Variants in SNAPC4 observed in about 807,000 individuals in gnomAD.
SNAPC4 encodes snRNA-activating protein complex subunit 4.
In SNAPC4, 127 loss-of-function variants were observed where a neutral mutation model predicts 151.3. That is an observed-to-expected ratio of 0.84 (90% CI 0.73 to 0.97). The LOEUF (loss-of-function observed/expected upper bound fraction) is 0.97. Among genes scored for constraint, SNAPC4 ranks in the 50% least tolerant of loss-of-function variants. The pLI, the probability that SNAPC4 is intolerant of heterozygous loss-of-function variation, is 0.00. For synonymous variants in SNAPC4, 1,002 were observed against 824.4 expected (o/e 1.22, Z -3.69); for missense variants, 2,186 against 1,935.0 (o/e 1.13, Z -2.43).
At chr9:136,396,726 A>G (rs2131518979) in intron 3 of SNAPC4, among the ~76,000 whole-genome samples, 1 of 152,346 alleles carries the variant, frequency 6.6e-6, no homozygotes, top group Admixed American at 6.5e-5. Context: ...CAGATGCCAC[A>G]CAGGAGACAG....
Position 136,378,768 on chromosome 9 carries a change from T to TGTC in SNAPC4, c.3058_3059insGAC (p.Glu1020delinsGlyGln). On this transcript the variant is annotated protein_altering_variant, in exon 22 of 24. Coordinates refer to ENST00000684778, the MANE Select transcript of SNAPC4 (RefSeq NM_003086.4). ...GGCCTGAGACTGTCCGAGACCACTCTCGGGGCAGCTCACAGAGATCTGGCC... is the reference window on the plus strand; with the variant it reads ...GGCCTGAGACTGTCCGAGACCACTCTGTCCGGGGCAGCTCACAGAGATCTGGCC... 6.5e-7 allele frequency: 1 copy of TGTC among 1,539,040 alleles called. No homozygotes were observed. The highest frequency in any genetic ancestry group is 8.8e-7 in the Non-Finnish European group (1 of 1,142,026).
Position 136,378,390 on chromosome 9 carries a change from G to A in SNAPC4, c.3437C>T (p.Pro1146Leu), listed in dbSNP as rs146466873. ...PPANMNREPE[P>L]SCRTDTPAPP... The stretch of plus-strand genomic sequence containing the variant: ...AGCTGGGGTGTCTGTCCTGCAGGAA[G>A]GCTCCGGTTCCCTGTTCATATTGGC... Residue 1146 changes from proline to leucine, a missense_variant, in exon 22 of 24, where the codon CCT (proline) becomes CTT (leucine). Transcript: ENST00000684778. 5 of 1,610,224 alleles carry A rather than the reference G, an allele frequency of 3.1e-6. No homozygotes were observed. In the African/African-American group the frequency reaches 5.3e-5, roughly 17 times the overall value.
intron 10 of SNAPC4, among the ~76,000 whole-genome samples, chr9:136,389,595 C>T (rs369350576): frequency 1.6e-4 from 24 of 152,296 alleles, no homozygotes; most frequent in African/African-American, 5.8e-4. Context: ...GAGCCTCGCC[C>T]GCACGCCCCC....
At chr9:136,387,694 C>T (rs372970510) in intron 12 of SNAPC4, 48 bp downstream of exon 12, 26 of 1,403,510 alleles carry the variant, frequency 1.9e-5, no homozygotes, top group African/African-American at 9.9e-5. Context: ...TGAACACAGC[C>T]GCGTTACCTT....
chr9:136,380,002 G>T, intron 20 of SNAPC4, 138 bp from the exon 21 acceptor site: 2 of 1,399,840 alleles, frequency 1.4e-6, no homozygotes, highest in Non-Finnish European at 2.0e-6. Flanking sequence ...CCTCCCACAC[G>T]CCTCTGTAGG....
chr9:136,398,605 G>A (rs1834353855), intron 1 of SNAPC4, 168 bp from the exon 2 acceptor site: 5 of 711,094 alleles, frequency 7.0e-6, no homozygotes, highest in Non-Finnish European at 1.2e-5. Flanking sequence ...GGAACCCTGG[G>A]ACAGGAACCT....
intron 13 of SNAPC4, 142 bp from the exon 14 acceptor site, chr9:136,384,956 C>G: frequency 1.9e-6 from 1 of 526,962 alleles, no homozygotes; most frequent in South Asian, 2.7e-5. Flanking sequence ...TAGACTTCAT[C>G]AAAAGCTAAA....
rs1159901563 is a variant in SNAPC4, at chr9:136,391,243, G to A, written c.975+699C>T. On this transcript the variant is annotated intron_variant, in intron 10 of 23. Coordinates refer to ENST00000684778, the MANE Select transcript of SNAPC4 (RefSeq NM_003086.4). ...AAACAGTTTTGGCAAGTTTAGCTGG[G>A]TCTGCTATAATCAGGTGCTCTGCCA... Among the ~76,000 whole-genome samples, 3 of 152,236 alleles carry A rather than the reference G, an allele frequency of 2.0e-5. No homozygotes were observed. In the East Asian group the frequency reaches 5.8e-4, roughly 29 times the overall value.
Position 136,378,632 on chromosome 9 carries a change from C to T in SNAPC4, c.3195G>A (p.Gly1065=), listed in dbSNP as rs1554777913. 1.9e-6 allele frequency: 3 copies of T among 1,553,914 alleles called. No homozygotes were observed. The highest frequency in any genetic ancestry group is 1.9e-5 in the Admixed American group (1 of 51,306). ...GGGGGACACTGGTCGCCACATGTGGCCCTCCTATGTGCGTCAGGCTGAGGG... is the reference window on the plus strand; with the variant it reads ...GGGGGACACTGGTCGCCACATGTGGTCCTCCTATGTGCGTCAGGCTGAGGG... The part of the protein sequence containing the change: ...VQPLSLTHIG[G]PHVATSVPLP... Residue 1065 remains glycine (G), a synonymous_variant, in exon 22 of 24, where the codon GGG becomes GGA. Transcript: ENST00000684778.
In SNAPC4 at chr9:136,378,522, G is replaced by T; in HGVS notation, c.3305C>A (p.Thr1102Asn). 6.3e-7 allele frequency: 1 copy of T among 1,591,826 alleles called. No homozygotes were observed. Among genetic ancestry groups the T allele is most frequent in the Non-Finnish European group, 8.5e-7 (1 of 1,174,862 alleles). ...GGCCAGCAGCCCTGCGGGGCCAGGG[G>T]TCCCTGCTGGCCTGGGAAGGCTCAC... Reference protein sequence around the residue: ...AVVSLPRPAGTPGPAGLLATL... With the variant: ...AVVSLPRPAGNPGPAGLLATL... Residue 1102 changes from threonine (T) to asparagine (N), a missense_variant, in exon 22 of 24, where the codon ACC becomes AAC. Thr to Asn is a moderately conservative substitution (Grantham distance 65, BLOSUM62 0). Coordinates refer to ENST00000684778, the MANE Select transcript of SNAPC4 (RefSeq NM_003086.4).
Position 136,378,226 on chromosome 9 carries a change from G to A in SNAPC4, c.3601C>T (p.Pro1201Ser). Residue 1201 changes from proline to serine, a missense_variant, in exon 22 of 24, where the codon CCT becomes TCT. Physicochemically the swap from Pro to Ser is moderately conservative, Grantham distance 74. Coordinates refer to ENST00000684778, the MANE Select transcript of SNAPC4 (RefSeq NM_003086.4). ...SHADPPEAEP[P>S]WSGRLPAFGG... ...AAGGCTGGCAGCCTCCCGGACCAAG[G>A]GGGTTCTGCTTCAGGAGGGTCAGCG... 6 of 1,611,624 alleles carry A rather than the reference G, an allele frequency of 3.7e-6. No homozygotes were observed. The highest frequency in any genetic ancestry group is 5.1e-6 in the Non-Finnish European group (6 of 1,179,524).
At position 136,383,862 on chromosome 9, in the gene SNAPC4, C is replaced by A; in HGVS notation, c.1500+91G>T. Reference sequence around the variant, plus strand: ...AAATGCCAAGACCAGAAACCGAACGCCCCCCTCCCCTCCCCTCCTCCTGCC... The same window carrying A: ...AAATGCCAAGACCAGAAACCGAACGACCCCCTCCCCTCCCCTCCTCCTGCC... On this transcript the variant is annotated intron_variant, in intron 15 of 23. Coordinates refer to ENST00000684778, the MANE Select transcript of SNAPC4 (RefSeq NM_003086.4). The surrounding 1 kb of genome is among the most constrained non-coding windows in gnomAD (Gnocchi z 4.2). 1 of 1,268,836 alleles carries A rather than the reference C, an allele frequency of 7.9e-7. No individual in the cohort carries two copies. Among genetic ancestry groups the A allele is most frequent in the Non-Finnish European group, 1.1e-6 (1 of 879,914 alleles). The allele number at this position is 1,268,836 out of a possible 1,614,324, so 78.6% of individuals were successfully genotyped here. A position where few individuals can be genotyped will look rare whatever the true frequency, so the allele number is the denominator to read the frequency against.
At position 136,394,911 on chromosome 9, in the gene SNAPC4, G is replaced by T. The variant is rs750791795; in HGVS notation, c.472-33C>A. 4.4e-6 allele frequency: 7 copies of T among 1,579,168 alleles called. No individual in the cohort carries two copies. The South Asian group carries it at 7.8e-5, about 17-fold the overall frequency. Reference sequence around the variant, plus strand: ...GGTGCACGGCATCACCACAAGCACAGGCCACATGTGCTCCCTGCAGGCCCA... The same window carrying T: ...GGTGCACGGCATCACCACAAGCACATGCCACATGTGCTCCCTGCAGGCCCA... On this transcript the variant is annotated intron_variant, in intron 5 of 23. Transcript: ENST00000684778.
Position 136,392,791 on chromosome 9 carries a change from C to A in SNAPC4, c.633-14G>T. 1 of 1,611,676 alleles carries A rather than the reference C, an allele frequency of 6.2e-7. No homozygotes were observed. The highest frequency in any genetic ancestry group is 8.5e-7 in the Non-Finnish European group (1 of 1,178,712). ...AAGTACTCGAGCCTGCAAAGCAGAGCAGAGGCAGAAGGGCTGGGGCACGAG... is the reference window on the plus strand; with the variant it reads ...AAGTACTCGAGCCTGCAAAGCAGAGAAGAGGCAGAAGGGCTGGGGCACGAG... On this transcript the variant is annotated splice_polypyrimidine_tract_variant and intron_variant, in intron 7 of 23. Transcript: ENST00000684778.
chr9:136,380,323 GC>G (rs1833642952), intron 20 of SNAPC4, among the ~76,000 whole-genome samples: 1 of 152,160 alleles, frequency 6.6e-6, no homozygotes, highest in African/African-American at 2.4e-5. Context: ...AAGCACAGAG[GC>G]CCAGGGGTAC....
At position 136,379,008 on chromosome 9, in the gene SNAPC4, C is replaced by T. The variant is rs771984197; in HGVS notation, c.2819G>A (p.Arg940His). The change falls in exon 22 of 24, where the codon CGC becomes CAC. Residue 940 changes from arginine to histidine, a missense_variant. Coordinates refer to ENST00000684778, the MANE Select transcript of SNAPC4 (RefSeq NM_003086.4). ...TAAGACGGTGGGACCCGGGGCTGGG[C>T]GGCCGTGTGGGGTGTGTGGTAGAGG... ...QPPLPHTPHG[R>H]PAPGPTVLNV... The T allele has an allele frequency of 1.5e-5, 24 of 1,605,144 alleles. No homozygotes were observed. The highest frequency in any genetic ancestry group is 6.8e-5 in the Admixed American group (4 of 58,596).
chr9:136,394,437 G>C (rs1018114084), intron 6 of SNAPC4, 107 bp from the exon 7 acceptor site: 5 of 946,472 alleles, frequency 5.3e-6, no homozygotes, highest in African/African-American at 3.2e-5. Context: ...GCCCCACAGC[G>C]AGTAAGCAGC....
chr9:136,398,544 G>A, intron 1 of SNAPC4, 107 bp from the exon 2 acceptor site: 2 of 1,283,632 alleles, frequency 1.6e-6, no homozygotes, highest in East Asian at 4.7e-5. Context: ...CTGCTCGGCA[G>A]TGGGCACTGG....
At chr9:136,396,528 T>C (rs945915820) in intron 3 of SNAPC4, among the ~76,000 whole-genome samples, 2 of 152,334 alleles carry the variant, frequency 1.3e-5, no homozygotes, top group East Asian at 1.9e-4. Context: ...GTGATCCTCC[T>C]GCCTCAGCCA....
Sources: gnomAD v4.1 joint callset for allele counts (sites outside exome capture counted in the v4.1 genomes callset) on GRCh38, gnomAD v4.1.1 for gene constraint, Gnocchi (gnomAD v3.1) non-coding constraint, MANE v1.5 for transcripts, NCBI Gene and HGNC (gene_info 2026-07-23, HGNC 2026-07-21) for gene names.